Variants in SLX4IP observed in about 807,000 individuals in gnomAD.
SLX4IP encodes the protein protein SLX4IP.
In SLX4IP, 34 loss-of-function variants were observed where a neutral mutation model predicts 32.9. The observed-to-expected ratio is 1.03, with a 90% confidence interval of 0.79 to 1.38. SLX4IP has a LOEUF of 1.38. Among genes scored for constraint, SLX4IP ranks in the 40% most tolerant of loss-of-function variants. SLX4IP has a pLI of 0.00. For missense variants in SLX4IP, 444 were observed against 479.0 expected (o/e 0.93, Z 0.68); for synonymous variants, 172 against 171.7 (o/e 1.00, Z -0.01).
intron 2 of SLX4IP, among the ~76,000 whole-genome samples, chr20:10,487,981 T>C (rs954299139): frequency 6.6e-6 from 1 of 152,306 alleles, no homozygotes; most frequent in East Asian, 1.9e-4. Context: ...GCGGAAGTCA[T>C]TTCTGACTTT....
At chr20:10,447,285 C>T (rs1043611215) in intron 1 of SLX4IP, among the ~76,000 whole-genome samples, 14 of 126,744 alleles carry the variant, frequency 1.1e-4, no homozygotes, top group Admixed American at 3.1e-4. Context: ...TTTGCCAGTA[C>T]GTTAGTTTTT....
At chr20:10,601,213 C>T (rs1263950076) in intron 5 of SLX4IP, among the ~76,000 whole-genome samples, 2 of 152,156 alleles carry the variant, frequency 1.3e-5, no homozygotes, top group African/African-American at 4.8e-5. Flanking sequence ...CTAAGAAAAG[C>T]TGCTGTTTTC....
At position 10,614,075 on chromosome 20, in the gene SLX4IP, G is replaced by A. The variant is rs1005603319; in HGVS notation, c.406-7239G>A. 5.2e-6 allele frequency: 8 copies of A among 1,540,976 alleles called. No homozygotes were observed. The Admixed American group carries it at 5.3e-5, about 10-fold the overall frequency. The stretch of plus-strand genomic sequence containing the variant: ...GGGTGGCGTCCTCCTTGTCGCCCTC[G>A]CCCACCCGGTCCAGGTGTACCTGCA... On this transcript the variant is annotated intron_variant, in intron 6 of 7. Transcript: ENST00000334534.
intron 2 of SLX4IP, among the ~76,000 whole-genome samples, chr20:10,477,310 T>A (rs2065483923): frequency 6.6e-6 from 1 of 152,166 alleles, no homozygotes; most frequent in Admixed American, 6.5e-5. Context: ...CACGCCTGGC[T>A]AATTTTTGTA....
chr20:10,458,991 T>G (rs185134303), intron 2 of SLX4IP, among the ~76,000 whole-genome samples: 1 of 152,316 alleles, frequency 6.6e-6, no homozygotes, highest in East Asian at 1.9e-4. Flanking sequence ...AGTGTAAAAA[T>G]ATTCCTTTTT....
intron 3 of SLX4IP, among the ~76,000 whole-genome samples, chr20:10,558,392 A>G (rs1366961653): frequency 3.0e-5 from 4 of 133,372 alleles, no homozygotes; most frequent in African/African-American, 1.1e-4. Context: ...TTCCTCTGGG[A>G]TCATTTGTGT....
chr20:10,520,939 A>G (rs2065896748), intron 2 of SLX4IP, among the ~76,000 whole-genome samples: 1 of 152,150 alleles, frequency 6.6e-6, no homozygotes, highest in Non-Finnish European at 1.5e-5. Context: ...TCTGGTTTTC[A>G]CCTTCATACT....
intron 2 of SLX4IP, among the ~76,000 whole-genome samples, chr20:10,501,894 A>G (rs559055482): frequency 1.3e-5 from 2 of 152,276 alleles, no homozygotes; most frequent in South Asian, 2.1e-4. Context: ...TTTTATATGC[A>G]TGTTTTGAAT....
chr20:10,521,461 G>T (rs2122449637), intron 2 of SLX4IP, among the ~76,000 whole-genome samples: 2 of 152,260 alleles, frequency 1.3e-5, no homozygotes, highest in South Asian at 2.1e-4. Flanking sequence ...GGATTTTTCT[G>T]TAGGAGATCC....
chr20:10,439,857 A>G (rs2065146174), intron 1 of SLX4IP, among the ~76,000 whole-genome samples: 1 of 152,224 alleles, frequency 6.6e-6, no homozygotes, highest in South Asian at 2.1e-4. Flanking sequence ...CTATAATTTC[A>G]TAAAACTCCC....
At chr20:10,534,246 G>A (rs1208175946) in intron 2 of SLX4IP, among the ~76,000 whole-genome samples, 3 of 152,082 alleles carry the variant, frequency 2.0e-5, no homozygotes, top group Non-Finnish European at 4.4e-5. Flanking sequence ...GCCCTGAGTC[G>A]GGGAGTGAGC....
rs570226604 is a variant in SLX4IP at position 10,493,801 on chromosome 20, A to G, written c.27+35570A>G. On this transcript the variant is annotated intron_variant, in intron 2 of 7. Transcript: ENST00000334534. ...ATGTTTCCTACTGGTCTACTTTGCAACTATGTTGTCTTGAAAATGAGTGTT... is the reference window on the plus strand; with the variant it reads ...ATGTTTCCTACTGGTCTACTTTGCAGCTATGTTGTCTTGAAAATGAGTGTT... 4.6e-4 allele frequency among the ~76,000 whole-genome samples: 69 copies of G among 149,270 alleles called. No homozygotes were observed. In the Middle Eastern group the frequency reaches 0.011, roughly 24 times the overall value.
intron 2 of SLX4IP, among the ~76,000 whole-genome samples, chr20:10,469,660 CT>C (rs1189424021): frequency 1.3e-5 from 2 of 152,126 alleles, no homozygotes; most frequent in African/African-American, 4.8e-5. Context: ...AATAGATGAA[CT>C]CAGTAAGCAC....
chr20:10,458,697 C>T (rs952358996), intron 2 of SLX4IP, among the ~76,000 whole-genome samples: 2 of 152,150 alleles, frequency 1.3e-5, no homozygotes, highest in Non-Finnish European at 2.9e-5. Flanking sequence ...TGATTTTGTT[C>T]CTTTTTATGG....
intron 2 of SLX4IP, among the ~76,000 whole-genome samples, chr20:10,463,109 A>T (rs149494387): frequency 1.2e-3 from 176 of 152,300 alleles, no homozygotes; most frequent in African/African-American, 3.5e-3. Flanking sequence ...TTGACCCTTA[A>T]TACCCTCTTC....
chr20:10,524,945 G>T (rs115590137), intron 2 of SLX4IP, among the ~76,000 whole-genome samples: 1 of 152,106 alleles, frequency 6.6e-6, no homozygotes, highest in Non-Finnish European at 1.5e-5. Context: ...CTAAGGTTAC[G>T]TAACAGCCAC....
chr20:10,605,051 A>G (rs1198862249), intron 6 of SLX4IP, among the ~76,000 whole-genome samples: 1 of 152,222 alleles, frequency 6.6e-6, no homozygotes, highest in Non-Finnish European at 1.5e-5. Flanking sequence ...TACAAACCCA[A>G]AAGCCTATGT....
At chr20:10,450,140 A>G (rs6104614) in intron 1 of SLX4IP, among the ~76,000 whole-genome samples, 74,523 of 151,938 alleles carry the variant, frequency 0.49, 19,737 homozygotes, top group Non-Finnish European at 0.6. Context: ...TTCAGGAAAA[A>G]AAGTACATAT....
intron 2 of SLX4IP, among the ~76,000 whole-genome samples, chr20:10,481,109 T>C (rs890354205): frequency 1.3e-5 from 2 of 151,992 alleles, no homozygotes; most frequent in Admixed American, 1.3e-4. Flanking sequence ...TTTTGATATG[T>C]GTACTTGTTT....
Sources: allele counts gnomAD v4.1 joint callset (sites outside exome capture counted in the v4.1 genomes callset), GRCh38; gene constraint gnomAD v4.1.1; transcripts MANE v1.5; gene names NCBI Gene and HGNC (gene_info 2026-07-23, HGNC 2026-07-21).